GAS2: variants seen among roughly 807,000 people sequenced by gnomAD.
GAS2 encodes growth arrest specific 2.
In GAS2, 20 loss-of-function variants were observed where a neutral mutation model predicts 37.5. That is an observed-to-expected ratio of 0.53 (90% CI 0.37 to 0.77). The LOEUF (loss-of-function observed/expected upper bound fraction) is 0.77. Among genes scored for constraint, GAS2 ranks in the 30% least tolerant of loss-of-function variants. GAS2 has a pLI of 0.00. For synonymous variants in GAS2, 144 were observed against 132.2 expected (o/e 1.09, Z -0.61); for missense variants, 336 against 373.4 (o/e 0.90, Z 0.82).
chr11:22,711,488 G>A (rs984133897), intron 3 of GAS2, among the ~76,000 whole-genome samples: 2 of 152,192 alleles, frequency 1.3e-5, no homozygotes, highest in African/African-American at 4.8e-5. Flanking sequence ...GCAGAATCAG[G>A]GGGAGACGGG....
chr11:22,744,373 G>T (rs1475234667), intron 5 of GAS2, among the ~76,000 whole-genome samples: 1 of 152,074 alleles, frequency 6.6e-6, no homozygotes, highest in African/African-American at 2.4e-5. Flanking sequence ...CAATATTTCT[G>T]CTGAACACAG....
intron 2 of GAS2, among the ~76,000 whole-genome samples, chr11:22,677,969 A>G (rs1267293388): frequency 1.1e-5 from 1 of 91,092 alleles, no homozygotes. Flanking sequence ...ACATAAATGA[A>G]TGACTTTTTT....
Position 22,762,848 on chromosome 11 carries a change from C to G in GAS2, c.723+6895C>G, listed in dbSNP as rs116060727. 2.9e-3 allele frequency among the ~76,000 whole-genome samples: 437 copies of G among 152,244 alleles called. 1 individual carries two copies. The highest frequency in any genetic ancestry group is 9.7e-3 in the African/African-American group (401 of 41,552). ...GACATATTGCTATCTGTCCTGATAT[C>G]TTTTCAATAGAAATCAGAAGATAAT... On this transcript the variant is annotated intron_variant, in intron 7 of 7. Coordinates refer to ENST00000454584, the MANE Select transcript of GAS2 (RefSeq NM_001143830.3).
At chr11:22,735,249 C>A (rs1047743425) in intron 4 of GAS2, among the ~76,000 whole-genome samples, 2 of 122,242 alleles carry the variant, frequency 1.6e-5, no homozygotes, top group African/African-American at 5.8e-5. Flanking sequence ...TTTTTTGGTC[C>A]ATTAGTGGCC....
intron 3 of GAS2, among the ~76,000 whole-genome samples, chr11:22,716,298 A>G (rs1851673932): frequency 6.6e-6 from 1 of 152,016 alleles, no homozygotes; most frequent in Non-Finnish European, 1.5e-5. Context: ...TACCTCTTAT[A>G]TTCAACATAG....
chr11:22,774,089 G>A (rs944082007), intron 7 of GAS2, among the ~76,000 whole-genome samples: 1 of 152,134 alleles, frequency 6.6e-6, no homozygotes, highest in East Asian at 1.9e-4. Flanking sequence ...CGCCTCCCGG[G>A]TTCAAGCAAT....
rs372643908 is a variant in GAS2 at position 22,645,968 on chromosome 11, C to T, written c.-21+20155C>T. Among the ~76,000 whole-genome samples the T allele has an allele frequency of 5.3e-4, 81 of 151,650 alleles. No individual in the cohort carries two copies. The South Asian group carries it at 0.01, about 19-fold the overall frequency. On this transcript the variant is annotated intron_variant, in intron 1 of 5. Coordinates refer to the GAS2 transcript ENST00000528582. ...AAGCCATTCTCCTGCCTCAGCCTCCCGAGTAGCTGGGATTACAGGCATGCA... is the reference window on the plus strand; with the variant it reads ...AAGCCATTCTCCTGCCTCAGCCTCCTGAGTAGCTGGGATTACAGGCATGCA...
At chr11:22,782,446 G>A (rs1280195146) in intron 7 of GAS2, among the ~76,000 whole-genome samples, 1 of 151,974 alleles carries the variant, frequency 6.6e-6, no homozygotes, top group East Asian at 1.9e-4. Context: ...GAGTATATGT[G>A]TAGGTTTGTT....
chr11:22,713,197 C>T (rs572646472), intron 3 of GAS2, among the ~76,000 whole-genome samples: 3 of 151,646 alleles, frequency 2.0e-5, no homozygotes, highest in East Asian at 3.9e-4. Flanking sequence ...GAGTGTCACA[C>T]TTAGAGAAAT....
intron 7 of GAS2, among the ~76,000 whole-genome samples, chr11:22,757,650 A>G (rs142997108): frequency 0.012 from 1,835 of 152,300 alleles, 38 homozygotes; most frequent in African/African-American, 0.042. Flanking sequence ...CTTGATTTTT[A>G]TACTATCCAC....
At chr11:22,659,914 A>G (rs145533045) in intron 1 of GAS2, among the ~76,000 whole-genome samples, 1 of 34,440 alleles carries the variant, frequency 2.9e-5, no homozygotes, top group South Asian at 1.2e-3. Flanking sequence ...GGGAGGGAGG[A>G]AGGGAGGGAG....
intron 1 of GAS2, among the ~76,000 whole-genome samples, chr11:22,673,760 A>G (rs544979847): frequency 6.6e-6 from 1 of 152,196 alleles, no homozygotes; most frequent in South Asian, 2.1e-4. Flanking sequence ...ATACAAAACA[A>G]ACAAACAAAA....
intron 7 of GAS2, among the ~76,000 whole-genome samples, chr11:22,794,521 C>A (rs942683615): frequency 1.3e-5 from 2 of 152,074 alleles, no homozygotes; most frequent in African/African-American, 4.8e-5. Flanking sequence ...TCTCCCCTTC[C>A]CCCACTCACC....
At chr11:22,737,278 G>A (rs1852804847) in intron 4 of GAS2, among the ~76,000 whole-genome samples, 1 of 152,068 alleles carries the variant, frequency 6.6e-6, no homozygotes, top group African/African-American at 2.4e-5. Context: ...ATCACTGTTG[G>A]AGGTAGGCCC....
intron 1 of GAS2, among the ~76,000 whole-genome samples, chr11:22,670,832 T>C (rs1489092281): frequency 2.0e-5 from 3 of 152,116 alleles, no homozygotes; most frequent in African/African-American, 7.2e-5. Context: ...TCCAATATTC[T>C]ATCCATTATT....
intron 7 of GAS2, among the ~76,000 whole-genome samples, chr11:22,790,360 T>TA (rs540487527): frequency 8.6e-5 from 13 of 151,912 alleles, no homozygotes; most frequent in African/African-American, 2.2e-4. Context: ...TAAAGTATAA[T>TA]AAAAAAAATA....
chr11:22,629,333 T>C (rs1039639551), intron 1 of GAS2, among the ~76,000 whole-genome samples: 3 of 152,188 alleles, frequency 2.0e-5, no homozygotes, highest in Non-Finnish European at 4.4e-5. Context: ...CCAGCATCTA[T>C]TGTTTTTTGA....
intron 1 of GAS2, among the ~76,000 whole-genome samples, chr11:22,649,401 G>C (rs548026512): frequency 6.6e-6 from 1 of 151,820 alleles, no homozygotes; most frequent in Non-Finnish European, 1.5e-5. Context: ...GTCTCTGCCC[G>C]GCTTTGGTAT....
At chr11:22,709,839 T>C (rs1380228518) in intron 3 of GAS2, among the ~76,000 whole-genome samples, 1 of 152,026 alleles carries the variant, frequency 6.6e-6, no homozygotes, top group African/African-American at 2.4e-5. Context: ...CGGTAAAAAA[T>C]GATGAGTTCA....
Sources: gnomAD v4.1 joint callset for allele counts (sites outside exome capture counted in the v4.1 genomes callset) on GRCh38, gnomAD v4.1.1 for gene constraint, MANE v1.5 for transcripts, NCBI Gene and HGNC (gene_info 2026-07-23, HGNC 2026-07-21) for gene names.